EML2: variants seen among roughly 807,000 people sequenced by gnomAD.
EML2 encodes the protein echinoderm microtubule-associated protein-like 2.
EML2 carries 59 observed loss-of-function variants against 84.7 expected under a neutral mutation model. The ratio of observed to expected loss-of-function variants is 0.70; its 90% CI spans 0.56 to 0.86. The LOEUF (loss-of-function observed/expected upper bound fraction) is 0.86, where lower values mean the gene tolerates loss of function less well. EML2 is among the 40% of genes least tolerant of loss of function. The pLI is 0.00. For missense variants in EML2, 818 were observed against 855.6 expected, an observed-to-expected ratio of 0.96 and a Z score of 0.55; for synonymous variants, 352 against 348.9, an observed-to-expected ratio of 1.01 and a Z score of -0.10.
intron 6 of EML2, 23 bp downstream of exon 6, chr19:45,632,838 G>T (rs557167070): frequency 1.4e-4 from 211 of 1,559,500 alleles, no homozygotes; most frequent in Middle Eastern, 1.7e-4. Context: ...AAGGGGCGGG[G>T]TTAGGGTGGG....
rs1328358019 is a variant in EML2 at position 45,639,018 on chromosome 19, G to T, written c.21-145C>A. 9 of 977,142 alleles carry T rather than the reference G, an allele frequency of 9.2e-6. No individual in the cohort carries two copies. The South Asian group carries it at 1.0e-4, about 11-fold the overall frequency. The allele number at this position is 977,142 out of a possible 1,614,324, so 60.5% of individuals were successfully genotyped here. ...GGGGCAGAGCGCTGCCTCTCTGCAG[G>T]CCGTGTGCTTTGCTCGGTTGATCTT... On this transcript the variant is annotated intron_variant, in intron 1 of 18. Coordinates refer to ENST00000245925, the MANE Select transcript of EML2 (RefSeq NM_012155.4).
chr19:45,645,346 A>G, upstream of EML2: 1 of 1,529,618 alleles, frequency 6.5e-7, no homozygotes. Flanking sequence ...CCATCGCCCC[A>G]CCACAGCCAC....
chr19:45,623,555 AT>A (rs1220444028), intron 9 of EML2: 6,091 of 145,860 alleles, frequency 0.042, 420 homozygotes, highest in African/African-American at 0.14. Flanking sequence ...TTAAAAAAAA[AT>A]TTTTTTTTTT....
At chr19:45,642,114 C>T, upstream of EML2, 1 of 1,477,592 alleles carries the variant, frequency 6.8e-7, no homozygotes, top group Non-Finnish European at 8.9e-7. Flanking sequence ...CATCCCACCC[C>T]TCCAGTCTAA....
At chr19:45,629,898 G>T in intron 7 of EML2, 53 bp downstream of exon 7, 2 of 1,380,072 alleles carry the variant, frequency 1.4e-6, no homozygotes, top group South Asian at 1.2e-5. Flanking sequence ...CACTGAGATT[G>T]GGAAAGTCCC....
At chr19:45,637,992 T>A (rs1347906139) in intron 3 of EML2, among the ~76,000 whole-genome samples, 3 of 152,060 alleles carry the variant, frequency 2.0e-5, no homozygotes, top group Non-Finnish European at 2.9e-5. Flanking sequence ...TTTTATTTCC[T>A]GTAAAGACGA....
chr19:45,609,583 G>T lies in EML2; in HGVS notation c.*80C>A. The T allele has an allele frequency of 6.8e-7, 1 of 1,474,882 alleles. No individual in the cohort carries two copies. The highest frequency in any genetic ancestry group is 9.0e-7 in the Non-Finnish European group (1 of 1,106,074). The allele number at this position is 1,474,882 out of a possible 1,614,324, so 91.4% of individuals were successfully genotyped here. On this transcript the variant is annotated 3_prime_UTR_variant, in exon 19 of 19. Coordinates refer to ENST00000245925, the MANE Select transcript of EML2 (RefSeq NM_012155.4). ...CCCCTCTGCTATAGACATACTCTGG[G>T]TATATATTACTCTACTCGGCAATAG...
chr19:45,613,379 T>C (rs1158821271), intron 18 of EML2, among the ~76,000 whole-genome samples, 162 bp downstream of exon 18: 1 of 152,102 alleles, frequency 6.6e-6, no homozygotes, highest in Non-Finnish European at 1.5e-5. Context: ...TTCATCCACC[T>C]TGGGGTTAAG....
upstream of EML2, among the ~76,000 whole-genome samples, chr19:45,644,262 G>A (rs1446652968): frequency 6.6e-6 from 1 of 152,126 alleles, no homozygotes; most frequent in African/African-American, 2.4e-5. Context: ...GAGAGGAGGA[G>A]GAAGGTTACT....
chr19:45,638,119 C>T (rs778273408), intron 3 of EML2, among the ~76,000 whole-genome samples: 2 of 152,236 alleles, frequency 1.3e-5, no homozygotes, highest in Non-Finnish European at 2.9e-5. Context: ...GGGGCACATA[C>T]TATGAGCTCA....
intron 13 of EML2, 113 bp from the exon 14 acceptor site, chr19:45,616,966 CT>C: frequency 1.3e-6 from 1 of 781,338 alleles, no homozygotes; most frequent in Non-Finnish European, 2.2e-6. Flanking sequence ...GTGACCTGGG[CT>C]GGGCACGGTG....
intron 1 of EML2, 90 bp downstream of exon 1, chr19:45,639,267 G>T: frequency 8.0e-7 from 1 of 1,250,344 alleles, no homozygotes; most frequent in Non-Finnish European, 1.1e-6. Flanking sequence ...TCCCCACGCC[G>T]GTCTGGGTCC....
upstream of EML2, chr19:45,642,450 C>T (rs1037732557): frequency 1.4e-6 from 2 of 1,460,338 alleles, no homozygotes; most frequent in African/African-American, 2.8e-5. Flanking sequence ...GGGCCAGCCA[C>T]GCCCCTTTCC....
intron 8 of EML2, 24 bp from the exon 9 acceptor site, chr19:45,624,842 G>C (rs769718762): frequency 1.3e-6 from 2 of 1,556,432 alleles, no homozygotes; most frequent in Non-Finnish European, 8.8e-7. Flanking sequence ...GGAAAGGAAG[G>C]TGTCAGAGCG....
chr19:45,616,680 G>T, intron 14 of EML2, 85 bp downstream of exon 14: 1 of 1,433,930 alleles, frequency 7.0e-7, no homozygotes, highest in Non-Finnish European at 9.7e-7. Context: ...GCCTCGCTTC[G>T]CAGGCTCCAC....
intron 17 of EML2, among the ~76,000 whole-genome samples, 192 bp downstream of exon 17, chr19:45,614,413 T>C (rs1486573622): frequency 7.0e-6 from 1 of 143,858 alleles, no homozygotes; most frequent in East Asian, 2.1e-4. Flanking sequence ...CCACGCCCAT[T>C]TGGTTTCATT....
rs138214816 is a variant in EML2, at chr19:45,611,268, G to A, written c.1825-1480C>T. Among the ~76,000 whole-genome samples, 382 of 151,828 alleles carry A rather than the reference G, an allele frequency of 2.5e-3. 4 individuals are homozygous for A. The highest frequency in any genetic ancestry group is 8.6e-3 in the African/African-American group (358 of 41,448). On this transcript the variant is annotated intron_variant, in intron 18 of 18. Coordinates refer to ENST00000245925, the MANE Select transcript of EML2 (RefSeq NM_012155.4). ...CTATTTGAAAAATACAAAATTAGCC[G>A]GGCATGGTGGTGCATGCCTGTAATC...
chr19:45,639,197 C>T (rs1246903342), intron 1 of EML2, 160 bp downstream of exon 1: 13 of 851,900 alleles, frequency 1.5e-5, no homozygotes, highest in African/African-American at 3.5e-5. Flanking sequence ...CCGCAGTTCC[C>T]CCAGCACACC....
intron 6 of EML2, 113 bp downstream of exon 6, chr19:45,632,748 C>CATTGTG: frequency 1.1e-6 from 1 of 896,896 alleles, no homozygotes; most frequent in Non-Finnish European, 1.7e-6. Flanking sequence ...AGAGGCGGGC[C>CATTGTG]ACGCCTCCAG....
Sources: allele counts gnomAD v4.1 joint callset (sites outside exome capture counted in the v4.1 genomes callset), GRCh38; gene constraint gnomAD v4.1.1; transcripts MANE v1.5; gene names NCBI Gene and HGNC (gene_info 2026-07-23, HGNC 2026-07-21).